The following RFFL variants were observed in gnomAD, a reference collection of about 807,000 sequenced individuals.
The protein encoded by RFFL is ring finger and FYVE like domain containing E3 ubiquitin protein ligase.
In RFFL, 16 loss-of-function variants were observed where a neutral mutation model predicts 40.4. The ratio of observed to expected loss-of-function variants is 0.40; its 90% confidence interval spans 0.27 to 0.60. The LOEUF (loss-of-function observed/expected upper bound fraction) is 0.60, where lower values mean the gene tolerates loss of function less well. RFFL is among the 20% of genes least tolerant of loss of function. The pLI, the probability that RFFL is intolerant of heterozygous loss-of-function variation, is 0.47. For synonymous variants in RFFL, 154 were observed against 167.9 expected, an observed-to-expected ratio of 0.92 and a Z score of 0.64; for missense variants, 367 against 451.7, an observed-to-expected ratio of 0.81 and a Z score of 1.70.
chr17:35,054,928 T>C (rs953428334), intron 1 of RFFL, among the ~76,000 whole-genome samples: 6 of 152,070 alleles, frequency 3.9e-5, no homozygotes, highest in Non-Finnish European at 7.4e-5. Context: ...AGCTTTTTTT[T>C]TTTTTTTGAG....
At chr17:35,044,876 A>AT (rs5820098) in intron 1 of RFFL, among the ~76,000 whole-genome samples, 101,237 of 146,652 alleles carry the variant, frequency 0.69, 35,567 homozygotes, top group African/African-American at 0.87. Context: ...CTCTCATAAC[A>AT]TTTTTTTTTT....
intron 1 of RFFL, chr17:35,088,997 G>A (rs1450417994): frequency 6.6e-6 from 1 of 152,318 alleles, no homozygotes; most frequent in Non-Finnish European, 1.5e-5. Flanking sequence ...CCCACACAGA[G>A]GAAGGGCCCC....
chr17:35,042,912 C>A (rs2091176039), intron 1 of RFFL, among the ~76,000 whole-genome samples: 1 of 151,492 alleles, frequency 6.6e-6, no homozygotes, highest in Admixed American at 6.6e-5. Context: ...ACTTTAGAAT[C>A]CAAGGCCTGA....
intron 1 of RFFL, among the ~76,000 whole-genome samples, chr17:35,060,279 T>C (rs865902993): frequency 7.2e-5 from 11 of 152,194 alleles, no homozygotes; most frequent in African/African-American, 1.9e-4. Flanking sequence ...GTCAGGCAGG[T>C]TCAGAGTACC....
intron 1 of RFFL, among the ~76,000 whole-genome samples, chr17:35,053,128 G>A (rs1156720492): frequency 1.3e-5 from 2 of 152,198 alleles, no homozygotes; most frequent in Non-Finnish European, 2.9e-5. Context: ...TAGTGGAAGA[G>A]GAAGGGGACA....
intron 1 of RFFL, among the ~76,000 whole-genome samples, chr17:35,072,952 AG>A (rs2091358399): frequency 6.6e-6 from 1 of 151,884 alleles, no homozygotes; most frequent in African/African-American, 2.4e-5. Context: ...CTGAGGCAGG[AG>A]AATCACTTGA....
At chr17:35,014,295 G>A (rs188426874) in intron 6 of RFFL, among the ~76,000 whole-genome samples, 1 of 152,208 alleles carries the variant, frequency 6.6e-6, no homozygotes, top group East Asian at 1.9e-4. Flanking sequence ...TACAAACAGG[G>A]CTGTCTCAGG....
At chr17:35,017,690 T>C (rs1240541183) in intron 3 of RFFL, 84 bp from the exon 4 acceptor site, 2 of 910,916 alleles carry the variant, frequency 2.2e-6, no homozygotes, top group African/African-American at 3.3e-5. Flanking sequence ...TCACACAATG[T>C]CCAGAATGTA....
intron 1 of RFFL, among the ~76,000 whole-genome samples, chr17:35,057,158 A>T (rs972796591): frequency 1.1e-4 from 17 of 152,038 alleles, no homozygotes; most frequent in Admixed American, 2.0e-4. Flanking sequence ...ACCTCAGGTG[A>T]TCCACCTGCC....
chr17:35,019,666 G>A (rs906597581), intron 3 of RFFL, among the ~76,000 whole-genome samples: 2 of 151,726 alleles, frequency 1.3e-5, no homozygotes, highest in African/African-American at 4.8e-5. Context: ...GAACCACCAC[G>A]CCCAGCCAAG....
chr17:35,046,727 G>A (rs926963715), intron 1 of RFFL, among the ~76,000 whole-genome samples: 10 of 152,222 alleles, frequency 6.6e-5, no homozygotes, highest in African/African-American at 1.9e-4. Flanking sequence ...AATATCTGCA[G>A]AGGGACCTCA....
intron 6 of RFFL, among the ~76,000 whole-genome samples, chr17:35,012,776 A>G (rs2090949047): frequency 6.6e-6 from 1 of 152,202 alleles, no homozygotes; most frequent in African/African-American, 2.4e-5. Context: ...AAACTTTTTT[A>G]TACCCCCATG....
intron 1 of RFFL, among the ~76,000 whole-genome samples, chr17:35,046,759 G>A (rs960262031): frequency 6.6e-6 from 1 of 152,184 alleles, no homozygotes; most frequent in Non-Finnish European, 1.5e-5. Context: ...GAAGTTCAGG[G>A]AAAAGTAATT....
In RFFL at chr17:35,006,853, C is replaced by T. The variant is rs908266444; in HGVS notation, c.*5115G>A. On this transcript the variant is annotated 3_prime_UTR_variant, in exon 7 of 7. Transcript: ENST00000394597. ...TTGATCTGATTGACTTTGGCTTCCA[C>T]CTACTGTTTAAAATGTGTATGTTGG... 1.3e-5 allele frequency: 2 copies of T among 151,468 alleles called. No homozygotes were observed. The highest frequency in any genetic ancestry group is 4.8e-5 in the African/African-American group (2 of 41,276). The allele number at this position is 151,468 out of a possible 1,614,324, so 9.4% of individuals were successfully genotyped here. A position where few individuals can be genotyped will look rare whatever the true frequency, so the allele number is the denominator to read the frequency against.
rs563901799 is a variant in RFFL, at chr17:35,008,657, A to T, written c.*3311T>A. 4.6e-5 allele frequency: 7 copies of T among 151,814 alleles called. No individual in the cohort carries two copies. The highest frequency in any genetic ancestry group is 1.7e-4 in the African/African-American group (7 of 41,344). 9.4% of individuals were successfully genotyped at this position (151,814 alleles called of 1,614,324 possible). The stretch of plus-strand genomic sequence containing the variant: ...TTTTTTGTTTTGTTTTTTGAGACAG[A>T]GTCTCGCTCTTTCGCCCAGGCCGGA... On this transcript the variant is annotated 3_prime_UTR_variant, in exon 7 of 7. Coordinates refer to ENST00000394597, the MANE Select transcript of RFFL (RefSeq NM_001017368.2).
chr17:35,071,448 T>C (rs910337975), intron 1 of RFFL, among the ~76,000 whole-genome samples: 1 of 151,704 alleles, frequency 6.6e-6, no homozygotes, highest in Non-Finnish European at 1.5e-5. Flanking sequence ...TGAAACCCTG[T>C]CTCTACTAAA....
intron 1 of RFFL, among the ~76,000 whole-genome samples, chr17:35,039,136 G>A (rs550519094): frequency 6.6e-6 from 1 of 152,114 alleles, no homozygotes; most frequent in Non-Finnish European, 1.5e-5. Flanking sequence ...CGAACTCCTG[G>A]GCTCAAGCAA....
intron 4 of RFFL, 72 bp from the exon 5 acceptor site, chr17:35,016,652 G>T: frequency 8.1e-7 from 1 of 1,236,820 alleles, no homozygotes; most frequent in Non-Finnish European, 1.2e-6. Flanking sequence ...GGACCCCAAA[G>T]CAGTCACCAC....
At chr17:35,083,180 C>T (rs1274715666) in intron 1 of RFFL, among the ~76,000 whole-genome samples, 1 of 152,192 alleles carries the variant, frequency 6.6e-6, no homozygotes, top group Non-Finnish European at 1.5e-5. Context: ...ATGATCATAA[C>T]TAGATTCAAC....
Sources: allele counts gnomAD v4.1 joint callset (sites outside exome capture counted in the v4.1 genomes callset), GRCh38; gene constraint gnomAD v4.1.1; transcripts MANE v1.5; gene names NCBI Gene and HGNC (gene_info 2026-07-23, HGNC 2026-07-21).